VIT: variants seen among roughly 807,000 people sequenced by gnomAD.
The protein encoded by VIT is vitrin.
VIT carries 99 observed loss-of-function variants against 78.0 expected under a neutral mutation model. That is an observed-to-expected ratio of 1.27 (90% confidence interval 1.08 to 1.50). The LOEUF is 1.50. VIT is among the 40% of genes most tolerant of loss of function. The pLI is 0.00. For missense variants in VIT, 1,126 were observed against 875.3 expected (o/e 1.29, Z -3.61); for synonymous variants, 374 against 334.3 (o/e 1.12, Z -1.29).
At chr2:36,782,477 C>T (rs530978682) in intron 10 of VIT, among the ~76,000 whole-genome samples, 2 of 152,324 alleles carry the variant, frequency 1.3e-5, no homozygotes, top group East Asian at 3.9e-4. Flanking sequence ...AAGCTCACTG[C>T]AGCCAAGCGC....
rs1427723059 is a variant in VIT, at chr2:36,814,319, C to T, written c.2040C>T (p.Ile680=). The T allele has an allele frequency of 6.2e-7, 1 of 1,614,102 alleles. No individual in the cohort carries two copies. Among genetic ancestry groups the T allele is most frequent in the Admixed American group, 1.7e-5 (1 of 60,010 alleles). Residue 680 remains isoleucine (I), a synonymous_variant, in exon 16 of 16, where the codon ATC becomes ATT. Coordinates refer to ENST00000379242, the MANE Select transcript of VIT (RefSeq NM_053276.4). ...DNLHQYVPRI[I]QNICTEFNSQ... ...TCCATCAGTATGTCCCCAGGATCAT[C>T]CAGAACATTTGTACAGAGTTCAACT...
At chr2:36,791,132 G>A (rs1665472449) in intron 12 of VIT, among the ~76,000 whole-genome samples, 1 of 152,184 alleles carries the variant, frequency 6.6e-6, no homozygotes, top group African/African-American at 2.4e-5. Flanking sequence ...GGGAACTGTT[G>A]GTTTTTTCTT....
intron 2 of VIT, among the ~76,000 whole-genome samples, chr2:36,727,708 G>T (rs114702577): frequency 2.4e-4 from 36 of 152,254 alleles, no homozygotes; most frequent in African/African-American, 7.9e-4. Context: ...GTCAACAGCC[G>T]CCTGTAAGAT....
chr2:36,729,982 G>C (rs1667093913), intron 3 of VIT, among the ~76,000 whole-genome samples: 1 of 152,212 alleles, frequency 6.6e-6, no homozygotes, highest in African/African-American at 2.4e-5. Context: ...TGGTGTATCA[G>C]TTAAGATTAG....
intron 12 of VIT, among the ~76,000 whole-genome samples, chr2:36,795,131 T>C (rs1018941402): frequency 4.6e-5 from 7 of 152,222 alleles, no homozygotes; most frequent in African/African-American, 1.4e-4. Context: ...GTGCCTGTTC[T>C]CAAGTAGGTT....
intron 14 of VIT, among the ~76,000 whole-genome samples, chr2:36,806,457 C>T (rs868576337): frequency 2.0e-5 from 3 of 151,644 alleles, no homozygotes; most frequent in Non-Finnish European, 2.9e-5. Context: ...TTTTTTCTAC[C>T]CTCAATGTTG....
chr2:36,709,114 C>A (rs556471806), intron 1 of VIT, among the ~76,000 whole-genome samples: 4 of 152,162 alleles, frequency 2.6e-5, no homozygotes, highest in African/African-American at 9.7e-5. Flanking sequence ...CACGCCACTG[C>A]ACTCCAGCCT....
intron 14 of VIT, among the ~76,000 whole-genome samples, chr2:36,807,875 G>C (rs1354977078): frequency 6.6e-6 from 1 of 152,176 alleles, no homozygotes; most frequent in African/African-American, 2.4e-5. Context: ...AGCTTAGTTT[G>C]TTCCTTTGTG....
intron 8 of VIT, chr2:36,774,525 G>A: frequency 1.0e-6 from 1 of 985,448 alleles, no homozygotes; most frequent in Non-Finnish European, 1.2e-6. Flanking sequence ...AGGATCAGAA[G>A]CAGGTCTTCT....
intron 1 of VIT, among the ~76,000 whole-genome samples, chr2:36,699,027 C>T (rs1413654040): frequency 6.6e-6 from 1 of 151,904 alleles, no homozygotes; most frequent in African/African-American, 2.4e-5. Flanking sequence ...CTTTAGAAAG[C>T]ATTTATATAA....
chr2:36,770,561 C>A (rs779436048), intron 7 of VIT, among the ~76,000 whole-genome samples: 4 of 152,018 alleles, frequency 2.6e-5, no homozygotes, highest in Non-Finnish European at 5.9e-5. Context: ...GTAAGGGAGC[C>A]GAAAGCCAGA....
intron 7 of VIT, among the ~76,000 whole-genome samples, chr2:36,769,529 C>T (rs1572507608): frequency 6.6e-6 from 1 of 152,292 alleles, no homozygotes; most frequent in East Asian, 1.9e-4. Context: ...AGCCATGAAG[C>T]ATGCACCACA....
At position 36,696,952 on chromosome 2, in the gene VIT, A is replaced by G. The variant is rs1478505857; in HGVS notation, c.-40A>G. 1 of 152,164 alleles carries G rather than the reference A, an allele frequency of 6.6e-6. No homozygotes were observed. Among genetic ancestry groups the G allele is most frequent in the Non-Finnish European group, 1.5e-5 (1 of 68,022 alleles). The allele number at this position is 152,164 out of a possible 1,614,324, so 9.4% of individuals were successfully genotyped here. ...TGTGTGGTGAAAATTTTTTGAAAAAAAAATTGCCTTCTTCAAACAAGGTAT... is the reference window on the plus strand; with the variant it reads ...TGTGTGGTGAAAATTTTTTGAAAAAGAAATTGCCTTCTTCAAACAAGGTAT... On this transcript the variant is annotated 5_prime_UTR_variant, in exon 1 of 16. Transcript: ENST00000379242.
chr2:36,750,423 G>A (rs776503230), intron 4 of VIT, among the ~76,000 whole-genome samples: 6 of 152,146 alleles, frequency 3.9e-5, no homozygotes, highest in South Asian at 2.1e-4. Context: ...TAGATGATTC[G>A]TTCTTGCTTC....
intron 3 of VIT, among the ~76,000 whole-genome samples, chr2:36,734,673 A>G (rs1667402046): frequency 6.6e-6 from 1 of 152,152 alleles, no homozygotes; most frequent in Non-Finnish European, 1.5e-5. Context: ...CTGCCTACTC[A>G]TGGGGTTCCC....
At chr2:36,744,112 A>G (rs1318389148) in intron 4 of VIT, among the ~76,000 whole-genome samples, 1 of 152,190 alleles carries the variant, frequency 6.6e-6, no homozygotes, top group Non-Finnish European at 1.5e-5. Flanking sequence ...CTCCAGCTGC[A>G]TGCATGTTGC....
At chr2:36,770,917 G>A (rs1669708305) in intron 7 of VIT, among the ~76,000 whole-genome samples, 1 of 152,192 alleles carries the variant, frequency 6.6e-6, no homozygotes, top group East Asian at 1.9e-4. Flanking sequence ...AGCGATGACA[G>A]AGATCCTCCA....
chr2:36,732,575 G>T (rs1667274626), intron 3 of VIT, among the ~76,000 whole-genome samples: 2 of 152,052 alleles, frequency 1.3e-5, no homozygotes, highest in Admixed American at 6.5e-5. Flanking sequence ...GCTGCTGGGG[G>T]AGGTGACTGA....
At chr2:36,707,068 C>G (rs1249591815) in intron 1 of VIT, among the ~76,000 whole-genome samples, 1 of 152,172 alleles carries the variant, frequency 6.6e-6, no homozygotes, top group African/African-American at 2.4e-5. Context: ...TCTGCAGACT[C>G]TGGTATAAAC....
Sources: allele counts gnomAD v4.1 joint callset (sites outside exome capture counted in the v4.1 genomes callset), GRCh38; gene constraint gnomAD v4.1.1; transcripts MANE v1.5; gene names NCBI Gene and HGNC (gene_info 2026-07-23, HGNC 2026-07-21).